The following PRKN variants were observed in gnomAD, a reference collection of about 807,000 sequenced individuals.
PRKN encodes E3 ubiquitin-protein ligase parkin.
Under a neutral mutation model 59.5 loss-of-function variants are expected in PRKN, and 56 were observed. The ratio of observed to expected loss-of-function variants is 0.94; its 90% CI spans 0.76 to 1.18. The LOEUF (loss-of-function observed/expected upper bound fraction) is 1.18, where lower values mean the gene tolerates loss of function less well. Among genes scored for constraint, PRKN ranks in the 50% most tolerant of loss-of-function variants. The pLI is 0.00. For missense variants in PRKN, 657 were observed against 596.4 expected, an observed-to-expected ratio of 1.10 and a Z score of -1.06; for synonymous variants, 250 against 222.1, an observed-to-expected ratio of 1.13 and a Z score of -1.12.
chr6:162,642,424 T>G (rs892883021), intron 1 of PRKN, among the ~76,000 whole-genome samples: 3 of 152,266 alleles, frequency 2.0e-5, no homozygotes, highest in Non-Finnish European at 4.4e-5. Context: ...TTAGCTCAAT[T>G]TAATTTTAAT....
intron 2 of PRKN, among the ~76,000 whole-genome samples, chr6:162,340,553 A>G (rs1784130214): frequency 6.6e-6 from 1 of 152,192 alleles, no homozygotes; most frequent in Non-Finnish European, 1.5e-5. Flanking sequence ...TGGTGTCAAA[A>G]CAGCATGGAA....
At chr6:161,903,832 G>GT (rs1320580148) in intron 6 of PRKN, among the ~76,000 whole-genome samples, 2 of 146,834 alleles carry the variant, frequency 1.4e-5, no homozygotes, top group Non-Finnish European at 1.5e-5. Flanking sequence ...CCCTTTTATT[G>GT]TATGTATGCG....
chr6:162,074,594 C>A (rs1425077403), intron 4 of PRKN, among the ~76,000 whole-genome samples: 1 of 146,624 alleles, frequency 6.8e-6, no homozygotes, highest in Non-Finnish European at 1.5e-5. Flanking sequence ...CTAACCTGCA[C>A]AATGTGCACA....
chr6:161,648,468 G>A (rs1419797043), intron 7 of PRKN, among the ~76,000 whole-genome samples: 1 of 152,140 alleles, frequency 6.6e-6, no homozygotes. Context: ...TAGGGGCCAG[G>A]GATAGTCTGT....
intron 1 of PRKN, among the ~76,000 whole-genome samples, chr6:162,621,935 C>A (rs1384591763): frequency 6.6e-6 from 1 of 152,160 alleles, no homozygotes; most frequent in African/African-American, 2.4e-5. Context: ...CTGTCTCAGC[C>A]TTCCAAGGAG....
intron 4 of PRKN, among the ~76,000 whole-genome samples, chr6:162,121,750 G>T (rs560983919): frequency 6.6e-6 from 1 of 152,288 alleles, no homozygotes; most frequent in Non-Finnish European, 1.5e-5. Flanking sequence ...GATGAGAGCT[G>T]GCCTGCTGCA....
At chr6:161,653,919 C>T (rs1480170006) in intron 7 of PRKN, among the ~76,000 whole-genome samples, 3 of 152,136 alleles carry the variant, frequency 2.0e-5, no homozygotes, top group African/African-American at 7.2e-5. Context: ...ACGCTGGGGT[C>T]ACATTGCCTA....
intron 1 of PRKN, among the ~76,000 whole-genome samples, chr6:162,466,659 C>T (rs894051029): frequency 2.6e-5 from 4 of 151,944 alleles, no homozygotes; most frequent in South Asian, 2.1e-4. Context: ...CCTCCTGCAT[C>T]GGTCTCCCAA....
rs1012884431 is a variant in PRKN at position 162,647,935 on chromosome 6, A to G, written c.7+79727T>C. On this transcript the variant is annotated intron_variant, in intron 1 of 11. Transcript: ENST00000366898. Reference sequence around the variant, plus strand: ...AGTGCTAGGTCCTAGAACCATCTCTATATGTCCACAGTGCAAAAAAAAAAA... The same window carrying G: ...AGTGCTAGGTCCTAGAACCATCTCTGTATGTCCACAGTGCAAAAAAAAAAA... 1.1e-4 allele frequency among the ~76,000 whole-genome samples: 13 copies of G among 120,180 alleles called. No homozygotes were observed. In the South Asian group the frequency reaches 1.7e-3, roughly 16 times the overall value. 78.8% of individuals were successfully genotyped at this position (120,180 alleles called of 152,430 possible). A position where few individuals can be genotyped will look rare whatever the true frequency, so the allele number is the denominator to read the frequency against.
chr6:162,696,567 TTTTTTTC>T (rs767474445), intron 1 of PRKN, among the ~76,000 whole-genome samples: 1 of 147,012 alleles, frequency 6.8e-6, no homozygotes, highest in South Asian at 2.2e-4. Context: ...AACTTTTTTT[TTTTTTTC>T]TTTTTTTTGA....
rs146901856 is a variant in PRKN at position 162,056,068 on chromosome 6, C to T, written c.535-1894G>A. Among the ~76,000 whole-genome samples the T allele has an allele frequency of 3.4e-3, 507 of 151,214 alleles. 2 individuals carry two copies. The highest frequency in any genetic ancestry group is 0.012 in the African/African-American group (484 of 41,160). ...TGCATAAACACACCACATACATACACGTGCACACACATCCCACACACCTCA... is the reference window on the plus strand; with the variant it reads ...TGCATAAACACACCACATACATACATGTGCACACACATCCCACACACCTCA... On this transcript the variant is annotated intron_variant, in intron 4 of 11. Transcript: ENST00000366898. This position sits in a 1 kb window ranked among gnomAD's most constrained non-coding sequence, Gnocchi z 4.9.
intron 1 of PRKN, among the ~76,000 whole-genome samples, chr6:162,681,983 G>C (rs1779790100): frequency 6.6e-6 from 1 of 151,880 alleles, no homozygotes; most frequent in African/African-American, 2.4e-5. Flanking sequence ...ACTCGCCACT[G>C]GTAACAAAAT....
At chr6:162,547,037 G>A (rs1046447614) in intron 1 of PRKN, among the ~76,000 whole-genome samples, 3 of 152,006 alleles carry the variant, frequency 2.0e-5, no homozygotes, top group African/African-American at 7.3e-5. Context: ...TTAGAGCTTC[G>A]GGTGTCTCCA....
chr6:162,374,527 A>T (rs1562711489), intron 2 of PRKN, among the ~76,000 whole-genome samples: 1 of 150,578 alleles, frequency 6.6e-6, no homozygotes, highest in Non-Finnish European at 1.5e-5. Context: ...TTTATGTTTT[A>T]TTTATTTATT....
intron 2 of PRKN, among the ~76,000 whole-genome samples, chr6:162,361,228 A>AAGAG (rs1161808499): frequency 6.6e-6 from 1 of 151,252 alleles, no homozygotes. Context: ...ATTAGGGGAA[A>AAGAG]AGAGAGAGAG....
At chr6:162,328,008 C>CG (rs1002997334) in intron 2 of PRKN, among the ~76,000 whole-genome samples, 1 of 152,088 alleles carries the variant, frequency 6.6e-6, no homozygotes, top group Non-Finnish European at 1.5e-5. Flanking sequence ...GGGCAAGCGA[C>CG]GCTGGCCACA....
chr6:161,909,172 C>T (rs1349890977), intron 6 of PRKN, among the ~76,000 whole-genome samples: 5 of 152,142 alleles, frequency 3.3e-5, no homozygotes, highest in African/African-American at 1.2e-4. Flanking sequence ...AAGAATCTCA[C>T]GTTGTTAATG....
intron 1 of PRKN, among the ~76,000 whole-genome samples, chr6:162,463,311 C>T (rs911506916): frequency 6.6e-6 from 1 of 152,144 alleles, no homozygotes; most frequent in Non-Finnish European, 1.5e-5. Context: ...CATGGAATCA[C>T]TGTAACATTA....
chr6:162,031,516 C>CTTTTCT, intron 5 of PRKN, among the ~76,000 whole-genome samples: 1 of 149,738 alleles, frequency 6.7e-6, no homozygotes, highest in South Asian at 2.1e-4. Flanking sequence ...AAAAGAGTCA[C>CTTTTCT]TTTTCTTTTT....
Sources: gnomAD v4.1 joint callset for allele counts (sites outside exome capture counted in the v4.1 genomes callset) on GRCh38, gnomAD v4.1.1 for gene constraint, Gnocchi (gnomAD v3.1) non-coding constraint, MANE v1.5 for transcripts, NCBI Gene and HGNC (gene_info 2026-07-23, HGNC 2026-07-21) for gene names.